Variants in DNAH9 observed in about 807,000 individuals in gnomAD.
The protein encoded by DNAH9 is DNAH9 variant protein.
A neutral mutation model predicts 471.6 loss-of-function variants in DNAH9; 345 were observed. The ratio of observed to expected loss-of-function variants is 0.73; its 90% CI spans 0.67 to 0.80. DNAH9 has a LOEUF of 0.80. Ranked by LOEUF, DNAH9 falls within the 30% of genes least tolerant of loss-of-function variation. The probability of loss-of-function intolerance (pLI) is 0.00; values close to 1 mark genes in which losing one functional copy is unlikely to be tolerated. For synonymous variants in DNAH9, 2,093 were observed against 2,123.6 expected (o/e 0.99, Z 0.40); for missense variants, 5,407 against 5,609.2 (o/e 0.96, Z 1.15).
At chr17:11,721,369 T>G (rs545761046) in intron 27 of DNAH9, among the ~76,000 whole-genome samples, 5 of 152,142 alleles carry the variant, frequency 3.3e-5, no homozygotes, top group African/African-American at 4.8e-5. Flanking sequence ...TAGAACATCA[T>G]AAATAAGCAT....
rs994753874 is a variant in DNAH9 at position 11,933,374 on chromosome 17, CT to C, written c.12298-496del. 2.5e-3 allele frequency among the ~76,000 whole-genome samples: 369 copies of C among 149,042 alleles called. 3 individuals carry two copies. Among genetic ancestry groups the C allele is most frequent in the Admixed American group, 7.9e-3 (118 of 14,884 alleles). ...TCACTCTTTGATGTAATTCTTCAAG[CT>C]TTTTTTTTTCTTCTTTTTTTTTGAG... On this transcript the variant is annotated intron_variant, in intron 64 of 68. Coordinates refer to ENST00000262442, the MANE Select transcript of DNAH9 (RefSeq NM_001372.4).
chr17:11,664,529 A>G (rs1597451758), intron 14 of DNAH9, among the ~76,000 whole-genome samples: 1 of 152,146 alleles, frequency 6.6e-6, no homozygotes, highest in South Asian at 2.1e-4. Context: ...TCCACAGTAT[A>G]TCAACCAGCA....
At chr17:11,692,707 G>A (rs1225538486) in intron 20 of DNAH9, among the ~76,000 whole-genome samples, 2 of 151,644 alleles carry the variant, frequency 1.3e-5, no homozygotes, top group Admixed American at 6.6e-5. Context: ...TCTTCCATGA[G>A]TGTACAGTGG....
chr17:11,716,075 T>A (rs1348667959), intron 26 of DNAH9, among the ~76,000 whole-genome samples: 1 of 146,348 alleles, frequency 6.8e-6, no homozygotes, highest in African/African-American at 2.6e-5. Context: ...TCTTTCTTTT[T>A]CTTTCTCTTT....
In DNAH9 at chr17:11,786,446, A is replaced by G. The variant is rs1028347221; in HGVS notation, c.8061+1907A>G. Among the ~76,000 whole-genome samples the G allele has an allele frequency of 8.5e-5, 13 of 152,238 alleles. No homozygotes were observed. In the East Asian group the frequency reaches 2.5e-3, roughly 29 times the overall value. On this transcript the variant is annotated intron_variant, in intron 41 of 68. Transcript: ENST00000262442. ...GAGGTTGGAAAGGTAACTTGAGACCAGAGTGGGCCCTACTTAACAGTTAGA... is the reference window on the plus strand; with the variant it reads ...GAGGTTGGAAAGGTAACTTGAGACCGGAGTGGGCCCTACTTAACAGTTAGA...
chr17:11,851,397 G>A (rs995132659), intron 49 of DNAH9, among the ~76,000 whole-genome samples: 15 of 152,080 alleles, frequency 9.9e-5, no homozygotes, highest in African/African-American at 1.9e-4. Flanking sequence ...GATTACAGGC[G>A]TGAGCCACCA....
At chr17:11,946,586 C>T (rs1975132498) in intron 67 of DNAH9, among the ~76,000 whole-genome samples, 1 of 150,810 alleles carries the variant, frequency 6.6e-6, no homozygotes, top group Non-Finnish European at 1.5e-5. Flanking sequence ...ATGGCGTGAA[C>T]CCGGGAGGCG....
At chr17:11,648,067 G>A (rs2073428756) in intron 12 of DNAH9, among the ~76,000 whole-genome samples, 1 of 152,146 alleles carries the variant, frequency 6.6e-6, no homozygotes, top group Non-Finnish European at 1.5e-5. Context: ...GTTTAATGCT[G>A]GAGAAAAATG....
At chr17:11,834,328 CAA>C (rs762924565) in intron 48 of DNAH9, among the ~76,000 whole-genome samples, 5 of 77,834 alleles carry the variant, frequency 6.4e-5, no homozygotes, top group Admixed American at 2.0e-4. Context: ...GACTCCGTCT[CAA>C]AAAAAAAAAA....
At chr17:11,890,676 T>G (rs1973019293) in intron 57 of DNAH9, among the ~76,000 whole-genome samples, 1 of 152,152 alleles carries the variant, frequency 6.6e-6, no homozygotes, top group Non-Finnish European at 1.5e-5. Flanking sequence ...TTTTTTGTTG[T>G]TTTTGTTGTT....
intron 28 of DNAH9, among the ~76,000 whole-genome samples, chr17:11,736,368 T>C (rs2075346839): frequency 6.6e-6 from 1 of 152,250 alleles, no homozygotes; most frequent in Non-Finnish European, 1.5e-5. Flanking sequence ...ATGGGTGAGA[T>C]GTGCCTGGCA....
At chr17:11,763,262 C>T (rs1967791723) in intron 35 of DNAH9, among the ~76,000 whole-genome samples, 178 bp from the exon 36 acceptor site, 1 of 152,086 alleles carries the variant, frequency 6.6e-6, no homozygotes. Context: ...ACAAAGGAAG[C>T]TGGCGCGAGA....
At chr17:11,964,489 T>C (rs990946584) in intron 68 of DNAH9, among the ~76,000 whole-genome samples, 1 of 152,158 alleles carries the variant, frequency 6.6e-6, no homozygotes, top group African/African-American at 2.4e-5. Flanking sequence ...AAGCTGTTGT[T>C]CTCAAAGGTT....
rs148044032 is a variant in DNAH9, at chr17:11,615,099, C to T, written c.905-2312C>T. Among the ~76,000 whole-genome samples the T allele has an allele frequency of 6.2e-3, 938 of 152,238 alleles. 8 individuals are homozygous for T. Among genetic ancestry groups the T allele is most frequent in the Non-Finnish European group, 9.2e-3 (623 of 68,020 alleles). ...AACCTTGCACCCCCATTCTCCCAAG[C>T]AGCACTCAGCGAAGTCAAATTGGTA... On this transcript the variant is annotated intron_variant, in intron 4 of 68. Transcript: ENST00000262442.
At chr17:11,667,723 C>T (rs1484428759) in intron 15 of DNAH9, among the ~76,000 whole-genome samples, 2 of 152,152 alleles carry the variant, frequency 1.3e-5, no homozygotes, top group Admixed American at 1.3e-4. Flanking sequence ...GACTCACTGC[C>T]ATGTCCAGGC....
In DNAH9 at chr17:11,598,821, C is replaced by G. The variant is rs746036688; in HGVS notation, c.323C>G (p.Pro108Arg). 2 of 1,495,024 alleles carry G rather than the reference C, an allele frequency of 1.3e-6. No homozygotes were observed. Among genetic ancestry groups the G allele is most frequent in the East Asian group, 5.6e-5 (2 of 36,036 alleles). 92.6% of individuals were successfully genotyped at this position (1,495,024 alleles called of 1,614,324 possible). A position where few individuals can be genotyped will look rare whatever the true frequency, so the allele number is the denominator to read the frequency against. Residue 108 changes from proline (P) to arginine (R), a missense_variant, in exon 1 of 69, where the codon CCC becomes CGC. This residue lies in a region of DNAH9 where 767 missense variants were observed against 692.5 expected (regional missense o/e 1.11). Transcript: ENST00000262442. ...GCGCTTTTTTTCCTTCGCACCGGGC[C>G]CGAGCCTCCAGGGCCCGACAGCTTC... ...AKALFFLRTG[P>R]EPPGPDSFRG...
At chr17:11,653,970 G>C (rs17528748) in intron 14 of DNAH9, among the ~76,000 whole-genome samples, 51,225 of 151,724 alleles carry the variant, frequency 0.34, 8,867 homozygotes, top group Middle Eastern at 0.42. Flanking sequence ...GCACTGTATC[G>C]AATACCAAGA....
intron 3 of DNAH9, among the ~76,000 whole-genome samples, chr17:11,610,755 C>T (rs974020831): frequency 1.3e-5 from 2 of 152,192 alleles, no homozygotes; most frequent in African/African-American, 2.4e-5. Flanking sequence ...CCCCAAGATT[C>T]AATAATCATT....
chr17:11,789,563 C>G (rs191338161), intron 41 of DNAH9, among the ~76,000 whole-genome samples: 1 of 151,840 alleles, frequency 6.6e-6, no homozygotes, highest in East Asian at 1.9e-4. Flanking sequence ...CTCTTTTTTT[C>G]TCTTCTATCA....
Sources: gnomAD v4.1 joint callset for allele counts (sites outside exome capture counted in the v4.1 genomes callset) on GRCh38, gnomAD v4.1.1 for gene constraint, gnomAD v4.1.1 regional missense constraint, MANE v1.5 for transcripts, NCBI Gene and HGNC (gene_info 2026-07-23, HGNC 2026-07-21) for gene names.